Variants in PCDHGA6 observed in about 807,000 individuals in gnomAD.
PCDHGA6 encodes the protein protocadherin gamma subfamily A, 6, also known as protocadherin gamma-A6.
PCDHGA6 carries 41 observed loss-of-function variants against 60.6 expected under a neutral mutation model. The observed-to-expected ratio is 0.68, with a 90% CI of 0.53 to 0.88. PCDHGA6 has a LOEUF of 0.88. PCDHGA6 is among the 40% of genes least tolerant of loss of function. PCDHGA6 has a pLI of 0.00. For missense variants in PCDHGA6, 1,312 were observed against 1,203.0 expected (o/e 1.09, Z -1.34); for synonymous variants, 594 against 524.4 (o/e 1.13, Z -1.81).
chr5:141,403,482 A>C (rs764737675), intron 1 of PCDHGA6: 2 of 1,613,892 alleles, frequency 1.2e-6, no homozygotes, highest in Non-Finnish European at 1.7e-6. Flanking sequence ...CCCAATCACC[A>C]CTTCTCCCTG....
In PCDHGA6 at chr5:141,451,935, A is replaced by G. The variant is rs148815534; in HGVS notation, c.2425-42872A>G. Among the ~76,000 whole-genome samples, 120 of 152,282 alleles carry G rather than the reference A, an allele frequency of 7.9e-4. 5 individuals carry two copies. The East Asian group carries it at 0.017, about 21-fold the overall frequency. ...GAGGAAGGAAGGGAGGTAGGGAGGC[A>G]GGGAAAGACCGAGAAAGTGACATAC... On this transcript the variant is annotated intron_variant, in intron 1 of 3. Coordinates refer to ENST00000517434, the MANE Select transcript of PCDHGA6 (RefSeq NM_018919.3).
At chr5:141,465,812 T>A (rs533291720) in intron 1 of PCDHGA6, among the ~76,000 whole-genome samples, 1 of 152,082 alleles carries the variant, frequency 6.6e-6, no homozygotes, top group South Asian at 2.1e-4. Flanking sequence ...TTCAGGATCT[T>A]GATCACATTT....
At chr5:141,422,934 C>T in intron 1 of PCDHGA6, 1 of 1,614,254 alleles carries the variant, frequency 6.2e-7, no homozygotes, top group Non-Finnish European at 8.5e-7. Context: ...CTGCCCTCCC[C>T]ACAGACGGCT....
rs762574320 is a variant in PCDHGA6, at chr5:141,485,926, G to A, written c.2425-8881G>A. The A allele has an allele frequency of 2.0e-5, 32 of 1,614,090 alleles. No individual in the cohort carries two copies. Among genetic ancestry groups the A allele is most frequent in the Admixed American group, 1.2e-4 (7 of 60,006 alleles). ...AGCAATCCAGCTACAGGATTAGTGT[G>A]TTGGAGAGCGCACCAGCGGGCATGG... On this transcript the variant is annotated intron_variant, in intron 1 of 3. Transcript: ENST00000517434. The surrounding 1 kb of genome is among the most constrained non-coding windows in gnomAD (Gnocchi z 5.7).
chr5:141,407,873 A>T (rs561323423), intron 1 of PCDHGA6: 1 of 354,686 alleles, frequency 2.8e-6, no homozygotes, highest in Non-Finnish European at 5.1e-6. Flanking sequence ...CGAAGAATAT[A>T]TACATTTCGG....
At chr5:141,444,692 T>G (rs531452351) in intron 1 of PCDHGA6, among the ~76,000 whole-genome samples, 1 of 152,360 alleles carries the variant, frequency 6.6e-6, no homozygotes, top group South Asian at 2.1e-4. Context: ...TTAAAAATAT[T>G]TTCCTCTTTC....
chr5:141,383,003 T>G, intron 1 of PCDHGA6: 2 of 1,613,734 alleles, frequency 1.2e-6, no homozygotes, highest in Non-Finnish European at 1.7e-6. Flanking sequence ...CTCTACTCCG[T>G]GTCGGAGGAG....
intron 1 of PCDHGA6, among the ~76,000 whole-genome samples, chr5:141,454,796 ATTTTTTTTTTTTTTTTTTT>A (rs61612330): frequency 3.9e-5 from 3 of 77,408 alleles, no homozygotes; most frequent in African/African-American, 1.2e-4. Context: ...CATGGTTCTA[ATTTTTTTTTTTTTTTTTTT>A]TTTTTTTTTT....
Position 141,493,022 on chromosome 5 carries a change from G to T in PCDHGA6, c.2425-1785G>T, listed in dbSNP as rs1184742888. ...GCTATAGGCTCTGCCAGATGCCAGG[G>T]TGCCCTTATGTGTGAGGAAACTACA... On this transcript the variant is annotated intron_variant, in intron 1 of 3. Transcript: ENST00000517434. The surrounding 1 kb of genome is among the most constrained non-coding windows in gnomAD (Gnocchi z 4.3). Among the ~76,000 whole-genome samples the T allele has an allele frequency of 1.3e-5, 2 of 152,222 alleles. No individual in the cohort carries two copies. Among genetic ancestry groups the T allele is most frequent in the Admixed American group, 1.3e-4 (2 of 15,282 alleles).
chr5:141,450,835 T>TA lies in PCDHGA6; in HGVS notation c.2425-43972_2425-43971insA, dbSNP rs1438371595. ...ATTTAATATTATTATTATTATTTTT[T>TA]TTTTTTTGAGATGGGGTCTTGCTCT... is the stretch of plus-strand genomic sequence containing the variant. On this transcript the variant is annotated intron_variant, in intron 1 of 3. Coordinates refer to ENST00000517434, the MANE Select transcript of PCDHGA6 (RefSeq NM_018919.3). 4.0e-3 allele frequency among the ~76,000 whole-genome samples: 570 copies of TA among 142,160 alleles called. 3 individuals are homozygous for TA. The highest frequency in any genetic ancestry group is 0.015 in the Middle Eastern group (4 of 270). The allele number at this position is 142,160 out of a possible 152,430, so 93.3% of individuals were successfully genotyped here.
chr5:141,478,623 G>A, intron 1 of PCDHGA6: 2 of 1,554,358 alleles, frequency 1.3e-6, no homozygotes, highest in Non-Finnish European at 1.7e-6. Flanking sequence ...GAATGGAGCT[G>A]TTTTTTTAGT....
At position 141,414,898 on chromosome 5, in the gene PCDHGA6, G is replaced by A. The variant is rs1369274783; in HGVS notation, c.2424+38391G>A. On this transcript the variant is annotated intron_variant, in intron 1 of 3. Coordinates refer to ENST00000517434, the MANE Select transcript of PCDHGA6 (RefSeq NM_018919.3). ...CCTGTACCCCGCCCTCCCCACAGAC[G>A]GTTCCACAGGCGTGGAGCTGGCGCC... is the stretch of plus-strand genomic sequence containing the variant. 2.5e-6 allele frequency: 4 copies of A among 1,614,190 alleles called. No individual in the cohort carries two copies. Among genetic ancestry groups the A allele is most frequent in the Admixed American group, 1.7e-5 (1 of 60,028 alleles).
chr5:141,376,368 A>C lies in PCDHGA6; in HGVS notation c.2285A>C (p.Asp762Ala). The C allele has an allele frequency of 6.2e-7, 1 of 1,613,920 alleles. No individual in the cohort carries two copies. The highest frequency in any genetic ancestry group is 8.5e-7 in the Non-Finnish European group (1 of 1,179,986). ...TYSHEVSLTA[D>A]SRKSHLIFPQ... is the part of the protein sequence containing the mutation. ...TCCCACGAGGTCTCACTCACTGCAG[A>C]CTCGCGTAAGAGTCATCTGATTTTC... Residue 762 changes from aspartate (D) to alanine (A), a missense_variant, in exon 1 of 4, where the codon GAC becomes GCC. Physicochemically the swap from Asp to Ala is moderately radical, Grantham distance 126 (BLOSUM62 -2). Transcript: ENST00000517434.
At position 141,485,074 on chromosome 5, in the gene PCDHGA6, G is replaced by T. The variant is rs2099606548; in HGVS notation, c.2425-9733G>T. On this transcript the variant is annotated intron_variant, in intron 1 of 3. Transcript: ENST00000517434. The surrounding 1 kb of genome is among the most constrained non-coding windows in gnomAD (Gnocchi z 5.7). ...GGCCGAACCGCGCCAGAGCTGGCGCGGGGAAAGGGAGATAGGTGTCTCCAG... is the reference window on the plus strand; with the variant it reads ...GGCCGAACCGCGCCAGAGCTGGCGCTGGGAAAGGGAGATAGGTGTCTCCAG... The T allele has an allele frequency of 2.2e-6, 2 of 926,946 alleles. No homozygotes were observed. The highest frequency in any genetic ancestry group is 3.4e-6 in the Non-Finnish European group (2 of 596,630). 57.4% of individuals were successfully genotyped at this position (926,946 alleles called of 1,614,324 possible). A position where few individuals can be genotyped will look rare whatever the true frequency, so the allele number is the denominator to read the frequency against.
intron 1 of PCDHGA6, chr5:141,419,360 C>T (rs763624320): frequency 6.2e-7 from 1 of 1,613,818 alleles, no homozygotes; most frequent in South Asian, 1.1e-5. Flanking sequence ...GTCACGAACG[C>T]TGTCGTCCTA....
chr5:141,380,114 G>T (rs1776224365), intron 1 of PCDHGA6, among the ~76,000 whole-genome samples: 1 of 151,828 alleles, frequency 6.6e-6, no homozygotes, highest in Non-Finnish European at 1.5e-5. Context: ...TGGCCAGGCT[G>T]GTCTCAAACT....
chr5:141,395,245 T>G (rs1347101527), intron 1 of PCDHGA6: 1 of 1,571,252 alleles, frequency 6.4e-7, no homozygotes, highest in Admixed American at 1.9e-5. Context: ...CAGGTGAGTT[T>G]AGTTCTTTGC....
At position 141,476,676 on chromosome 5, in the gene PCDHGA6, G is replaced by A. The variant is rs753538822; in HGVS notation, c.2425-18131G>A. The A allele has an allele frequency of 6.2e-7, 1 of 1,614,222 alleles. No individual in the cohort carries two copies. The highest frequency in any genetic ancestry group is 8.5e-7 in the Non-Finnish European group (1 of 1,180,054). On this transcript the variant is annotated intron_variant, in intron 1 of 3. Transcript: ENST00000517434. The surrounding 1 kb of genome is among the most constrained non-coding windows in gnomAD (Gnocchi z 7.6). ...TACTTTGCGCTTCGCGTGCAGACGC[G>A]GGAGGACAGCACCAAGTACGCGGAG...
In PCDHGA6 at chr5:141,505,323, G is replaced by T. The variant is rs996747379; in HGVS notation, c.2484-70G>T. 12 of 1,606,640 alleles carry T rather than the reference G, an allele frequency of 7.5e-6. No homozygotes were observed. In the African/African-American group the frequency reaches 1.5e-4, roughly 20 times the overall value. On this transcript the variant is annotated intron_variant, in intron 2 of 3. Transcript: ENST00000517434. Reference sequence around the variant, plus strand: ...TAGGGTACTAGGTTTGGGAGCCCTGGGAGAGGACAGGAGGGGCATGAGCTG... The same window carrying T: ...TAGGGTACTAGGTTTGGGAGCCCTGTGAGAGGACAGGAGGGGCATGAGCTG...
Sources: gnomAD v4.1 joint callset for allele counts (sites outside exome capture counted in the v4.1 genomes callset) on GRCh38, gnomAD v4.1.1 for gene constraint, Gnocchi (gnomAD v3.1) non-coding constraint, MANE v1.5 for transcripts, NCBI Gene and HGNC (gene_info 2026-07-23, HGNC 2026-07-21) for gene names.